The following ITGBL1 variants were observed in gnomAD, a reference collection of about 807,000 sequenced individuals.
ITGBL1 encodes the protein integrin subunit beta like 1.
Under a neutral mutation model 68.5 loss-of-function variants are expected in ITGBL1, and 51 were observed. The ratio of observed to expected loss-of-function variants is 0.74; its 90% confidence interval spans 0.59 to 0.94. The LOEUF (loss-of-function observed/expected upper bound fraction) is 0.94, where lower values mean the gene tolerates loss of function less well. Ranked by LOEUF, ITGBL1 falls within the 40% of genes least tolerant of loss-of-function variation. The pLI, the probability that ITGBL1 is intolerant of heterozygous loss-of-function variation, is 0.00. For synonymous variants in ITGBL1, 209 were observed against 227.3 expected (o/e 0.92, Z 0.72); for missense variants, 649 against 647.4 (o/e 1.00, Z -0.03).
chr13:101,718,286 C>T (rs1223222690), downstream of ITGBL1: 1 of 151,980 alleles, frequency 6.6e-6, no homozygotes, highest in East Asian at 1.9e-4. Flanking sequence ...ACCAATATAT[C>T]TATTAAGAAG....
At chr13:101,488,967 C>T (rs1273625831) in intron 2 of ITGBL1, among the ~76,000 whole-genome samples, 1 of 152,126 alleles carries the variant, frequency 6.6e-6, no homozygotes, top group East Asian at 1.9e-4. Flanking sequence ...GGCTGTTTAC[C>T]AGTAGGAGCC....
At chr13:101,667,900 T>TAA (rs35394580) in intron 7 of ITGBL1, among the ~76,000 whole-genome samples, 8,788 of 145,792 alleles carry the variant, frequency 0.06, 296 homozygotes, top group Middle Eastern at 0.082. Flanking sequence ...CTTAAAAGTG[T>TAA]AAAAAAAAAA....
At chr13:101,603,893 G>A (rs1369562717) in intron 7 of ITGBL1, among the ~76,000 whole-genome samples, 1 of 151,858 alleles carries the variant, frequency 6.6e-6, no homozygotes, top group Non-Finnish European at 1.5e-5. Flanking sequence ...GGTAAACAAA[G>A]CAAAGGGTGA....
intron 7 of ITGBL1, among the ~76,000 whole-genome samples, chr13:101,626,085 A>G (rs2031766699): frequency 6.6e-6 from 1 of 152,184 alleles, no homozygotes; most frequent in Non-Finnish European, 1.5e-5. Context: ...TACCTTTGCT[A>G]TTCAAAGTGT....
intron 7 of ITGBL1, among the ~76,000 whole-genome samples, chr13:101,622,718 A>G (rs918023183): frequency 6.6e-6 from 1 of 152,182 alleles, no homozygotes; most frequent in African/African-American, 2.4e-5. Context: ...ATAAATGATC[A>G]TGTACCAGTA....
At chr13:101,713,045 CGCAAGAAGTT>C (rs1399910453) in intron 9 of ITGBL1, 1 of 152,170 alleles carries the variant, frequency 6.6e-6, no homozygotes, top group African/African-American at 2.4e-5. Context: ...GCCATAGCTA[CGCAAGAAGTT>C]AAAAAACACA....
rs139265974 is a variant in ITGBL1 at position 101,695,824 on chromosome 13, T to C, written c.1132+3123T>C. 1.6e-3 allele frequency among the ~76,000 whole-genome samples: 240 copies of C among 152,288 alleles called. 1 individual carries two copies. The highest frequency in any genetic ancestry group is 5.5e-3 in the African/African-American group (230 of 41,576). ...TGCATTGCAGTGTTAACAAGCAACA[T>C]TGCTCATGGTCATAATGATTTATGA... On this transcript the variant is annotated intron_variant, in intron 8 of 10. Transcript: ENST00000376180.
chr13:101,653,165 CAAAG>C (rs780771552), intron 7 of ITGBL1, among the ~76,000 whole-genome samples: 72 of 139,198 alleles, frequency 5.2e-4, no homozygotes, highest in Middle Eastern at 3.7e-3. Flanking sequence ...GGAGGAGAAA[CAAAG>C]AAGAGAAGAA....
intron 2 of ITGBL1, among the ~76,000 whole-genome samples, chr13:101,542,834 C>T (rs2049735483): frequency 6.6e-6 from 1 of 152,084 alleles, no homozygotes; most frequent in Non-Finnish European, 1.5e-5. Flanking sequence ...CTCTTTTGAT[C>T]TTTGTTGGTT....
At chr13:101,611,679 C>T (rs965004954) in intron 7 of ITGBL1, among the ~76,000 whole-genome samples, 1 of 151,660 alleles carries the variant, frequency 6.6e-6, no homozygotes, top group Non-Finnish European at 1.5e-5. Context: ...GCAAGTCATA[C>T]ACTGAACTGG....
At chr13:101,459,961 T>G (rs1333047115) in intron 2 of ITGBL1, among the ~76,000 whole-genome samples, 1 of 152,162 alleles carries the variant, frequency 6.6e-6, no homozygotes, top group Admixed American at 6.5e-5. Context: ...AGAACTGGAC[T>G]TCCTGGCTCT....
chr13:101,650,051 G>C (rs921304902), intron 7 of ITGBL1, among the ~76,000 whole-genome samples: 1 of 150,918 alleles, frequency 6.6e-6, no homozygotes, highest in Non-Finnish European at 1.5e-5. Context: ...GCAAGAGAGA[G>C]AGAGACTGAG....
chr13:101,684,280 A>G (rs1038121516), intron 7 of ITGBL1, among the ~76,000 whole-genome samples: 4 of 151,980 alleles, frequency 2.6e-5, no homozygotes, highest in African/African-American at 4.8e-5. Context: ...AAGCCCTGAT[A>G]TCTATTTCAA....
chr13:101,647,688 C>T (rs1267359852), intron 7 of ITGBL1, among the ~76,000 whole-genome samples: 3 of 152,138 alleles, frequency 2.0e-5, no homozygotes, highest in Admixed American at 2.0e-4. Context: ...GATGTCAGAA[C>T]TTTCTGGGTT....
intron 2 of ITGBL1, among the ~76,000 whole-genome samples, chr13:101,526,093 C>T (rs1298103294): frequency 6.6e-6 from 1 of 151,236 alleles, no homozygotes; most frequent in East Asian, 1.9e-4. Flanking sequence ...AAACATTTTA[C>T]TTGAAACTGT....
chr13:101,491,218 A>G (rs546378160), intron 2 of ITGBL1, among the ~76,000 whole-genome samples: 1 of 152,256 alleles, frequency 6.6e-6, no homozygotes, highest in Non-Finnish European at 1.5e-5. Context: ...TTTTTGTCCT[A>G]CATTCTCCTC....
chr13:101,681,007 T>C (rs1224180470), intron 7 of ITGBL1, among the ~76,000 whole-genome samples: 1 of 152,176 alleles, frequency 6.6e-6, no homozygotes, highest in Admixed American at 6.6e-5. Flanking sequence ...GCATTTTACC[T>C]TAATTTCCCC....
chr13:101,642,463 G>A (rs893721248), intron 7 of ITGBL1, among the ~76,000 whole-genome samples: 1 of 152,038 alleles, frequency 6.6e-6, no homozygotes, highest in African/African-American at 2.4e-5. Flanking sequence ...CTGGATATTA[G>A]CCCTTTGTCA....
At position 101,453,937 on chromosome 13, in the gene ITGBL1, CCG is replaced by C; in HGVS notation, c.157_158del (p.Ala53ThrfsTer27). On this transcript the variant is annotated frameshift_variant, in exon 2 of 11. Transcript: ENST00000376180. LOFTEE classifies it high-confidence loss of function. ...LSRAESERRC[R>X]APGQPPGAAL... ...CCCGGGCCGAGTCGGAGCGACGCTG[CCG>C]CGCACCTGGGCAGCCCCCGGGGGCC... The C allele has an allele frequency of 7.1e-7, 1 of 1,418,056 alleles. No homozygotes were observed. The highest frequency in any genetic ancestry group is 9.3e-7 in the Non-Finnish European group (1 of 1,079,690). The allele number at this position is 1,418,056 out of a possible 1,614,324, so 87.8% of individuals were successfully genotyped here.
Sources: gnomAD v4.1 joint callset for allele counts (sites outside exome capture counted in the v4.1 genomes callset) on GRCh38, gnomAD v4.1.1 for gene constraint, MANE v1.5 for transcripts, NCBI Gene and HGNC (gene_info 2026-07-23, HGNC 2026-07-21) for gene names.